Variants in DUSP19 observed in about 807,000 individuals in gnomAD.
The protein encoded by DUSP19 is dual specificity phosphatase 19.
In DUSP19, 14 loss-of-function variants were observed where a neutral mutation model predicts 16.6. The ratio of observed to expected loss-of-function variants is 0.84; its 90% confidence interval spans 0.56 to 1.32. The LOEUF (loss-of-function observed/expected upper bound fraction) is 1.32, where lower values mean the gene tolerates loss of function less well. DUSP19 is among the 40% of genes most tolerant of loss of function. DUSP19 has a pLI of 0.00. For synonymous variants in DUSP19, 81 were observed against 90.5 expected (o/e 0.90, Z 0.59); for missense variants, 258 against 255.9 (o/e 1.01, Z -0.06).
At chr2:183,095,266 T>C (rs961318087) in intron 3 of DUSP19, among the ~76,000 whole-genome samples, 165 bp from the exon 4 acceptor site, 7 of 152,226 alleles carry the variant, frequency 4.6e-5, no homozygotes, top group Non-Finnish European at 8.8e-5. Flanking sequence ...TTTCCATTTG[T>C]TGCTGGTAAT....
At chr2:183,085,399 T>G (rs1008487858) in intron 2 of DUSP19, among the ~76,000 whole-genome samples, 1 of 151,942 alleles carries the variant, frequency 6.6e-6, no homozygotes, top group African/African-American at 2.4e-5. Context: ...AAGAGAATAG[T>G]GTTTTAAGGA....
chr2:183,085,676 T>C (rs904892883), intron 2 of DUSP19, among the ~76,000 whole-genome samples: 1 of 151,142 alleles, frequency 6.6e-6, no homozygotes, highest in Admixed American at 6.6e-5. Flanking sequence ...GAAGAAGGAA[T>C]TGAAGATACA....
intron 3 of DUSP19, among the ~76,000 whole-genome samples, chr2:183,088,248 G>C (rs563243118): frequency 6.6e-6 from 1 of 152,182 alleles, no homozygotes; most frequent in African/African-American, 2.4e-5. Flanking sequence ...TACCATTCTA[G>C]GTTTGTGTGA....
chr2:183,081,615 A>G (rs542436450), intron 1 of DUSP19, among the ~76,000 whole-genome samples: 148 of 152,360 alleles, frequency 9.7e-4, no homozygotes, highest in African/African-American at 3.4e-3. Flanking sequence ...TCTACATTAG[A>G]AAACAGAATT....
intron 2 of DUSP19, 27 bp downstream of exon 2, chr2:183,083,581 C>T: frequency 1.3e-6 from 2 of 1,575,848 alleles, no homozygotes; most frequent in Non-Finnish European, 8.7e-7. Flanking sequence ...AGTCTGGCAC[C>T]ATATACACAG....
chr2:183,089,424 A>G (rs915370970), intron 3 of DUSP19, among the ~76,000 whole-genome samples: 4 of 152,184 alleles, frequency 2.6e-5, no homozygotes, highest in African/African-American at 9.7e-5. Flanking sequence ...CAGTGGGGAT[A>G]TAACCAACCC....
At chr2:183,083,042 C>T (rs1175953496) in intron 1 of DUSP19, among the ~76,000 whole-genome samples, 1 of 152,034 alleles carries the variant, frequency 6.6e-6, no homozygotes, top group Non-Finnish European at 1.5e-5. Context: ...CCTGGGAATA[C>T]AAGCATGCAC....
At chr2:183,080,148 C>T (rs530589195) in intron 1 of DUSP19, among the ~76,000 whole-genome samples, 21 of 152,346 alleles carry the variant, frequency 1.4e-4, no homozygotes, top group Admixed American at 4.6e-4. Context: ...CATTGTTATA[C>T]TAGGCTGCCT....
In DUSP19 at chr2:183,095,774, A is replaced by G; in HGVS notation, c.*116A>G. 8 of 712,550 alleles carry G rather than the reference A, an allele frequency of 1.1e-5. No individual in the cohort carries two copies. The highest frequency in any genetic ancestry group is 1.6e-5 in the Non-Finnish European group (7 of 440,166). The allele number at this position is 712,550 out of a possible 1,614,324, so 44.1% of individuals were successfully genotyped here. A position where few individuals can be genotyped will look rare whatever the true frequency, so the allele number is the denominator to read the frequency against. On this transcript the variant is annotated 3_prime_UTR_variant, in exon 4 of 4. Transcript: ENST00000354221. ...CTCCCTTTTTTCTCTTGCCTTTTTT[A>G]TGCATAAATGGAGGTCAATTTGATT...
Position 183,098,852 on chromosome 2 carries a change from A to T in DUSP19, c.*3194A>T, listed in dbSNP as rs1389070668. ...TAAAATTTGAATAGAACACTCAAGA[A>T]GTATGTAGATTTTTGAAAAACCCAA... On this transcript the variant is annotated 3_prime_UTR_variant, in exon 4 of 4. Coordinates refer to ENST00000354221, the MANE Select transcript of DUSP19 (RefSeq NM_080876.4). 1 of 152,236 alleles carries T rather than the reference A, an allele frequency of 6.6e-6. No individual in the cohort carries two copies. Among genetic ancestry groups the T allele is most frequent in the African/African-American group, 2.4e-5 (1 of 41,464 alleles). The allele number at this position is 152,236 out of a possible 1,614,324, so 9.4% of individuals were successfully genotyped here. A position where few individuals can be genotyped will look rare whatever the true frequency, so the allele number is the denominator to read the frequency against.
At chr2:183,094,871 T>G (rs1176032861) in intron 3 of DUSP19, among the ~76,000 whole-genome samples, 1 of 152,218 alleles carries the variant, frequency 6.6e-6, no homozygotes, top group Admixed American at 6.5e-5. Context: ...AAGTATACTC[T>G]GGAGTATTTC....
At position 183,098,265 on chromosome 2, in the gene DUSP19, A is replaced by T. The variant is rs1699830009; in HGVS notation, c.*2607A>T. The T allele has an allele frequency of 6.6e-6, 1 of 152,170 alleles. No individual in the cohort carries two copies. The highest frequency in any genetic ancestry group is 6.5e-5 in the Admixed American group (1 of 15,268). 9.4% of individuals were successfully genotyped at this position (152,170 alleles called of 1,614,324 possible). On this transcript the variant is annotated 3_prime_UTR_variant, in exon 4 of 4. Transcript: ENST00000354221. Reference sequence around the variant, plus strand: ...CCTATAGTGATCTGGGTAAGATTCAAACATTTATCTTTTGTATCTTCTACA... The same window carrying T: ...CCTATAGTGATCTGGGTAAGATTCATACATTTATCTTTTGTATCTTCTACA...
At chr2:183,080,727 C>G (rs1699582355) in intron 1 of DUSP19, among the ~76,000 whole-genome samples, 1 of 152,170 alleles carries the variant, frequency 6.6e-6, no homozygotes, top group African/African-American at 2.4e-5. Flanking sequence ...GGGTTGGAAA[C>G]CTCCCCAGGA....
Position 183,087,481 on chromosome 2 carries a change from G to GCTAA in DUSP19, c.426+289_426+290insCTAA, listed in dbSNP as rs559005021. 1.2e-4 allele frequency among the ~76,000 whole-genome samples: 19 copies of GCTAA among 152,268 alleles called. No individual in the cohort carries two copies. The South Asian group carries it at 3.9e-3, about 32-fold the overall frequency. On this transcript the variant is annotated intron_variant, in intron 3 of 3. Coordinates refer to ENST00000354221, the MANE Select transcript of DUSP19 (RefSeq NM_080876.4). ...TTTTAATGAATGAGATAGTTATTGT[G>GCTAA]AAACTATGCATTTTTAGCAGTAAAA... is the stretch of plus-strand genomic sequence containing the variant.
rs375950344 is a variant in DUSP19 at position 183,094,385 on chromosome 2, G to T, written c.427-1046G>T. On this transcript the variant is annotated intron_variant, in intron 3 of 3. Coordinates refer to ENST00000354221, the MANE Select transcript of DUSP19 (RefSeq NM_080876.4). ...AGTATATTTTTTCCCTCCTGCTCTC[G>T]TCTTTTTTTGTGTTGTACCAAATAA... Among the ~76,000 whole-genome samples, 75 of 152,228 alleles carry T rather than the reference G, an allele frequency of 4.9e-4. 1 individual carries two copies. In the East Asian group the frequency reaches 6.0e-3, roughly 12 times the overall value.
rs960726633 is a variant in DUSP19, at chr2:183,083,642, A to G, written c.273+88A>G. Reference sequence around the variant, plus strand: ...AAAACTGTATTGGTCCATCTTTGGTATATTATGGAGTTTATTTGGTAACAT... The same window carrying G: ...AAAACTGTATTGGTCCATCTTTGGTGTATTATGGAGTTTATTTGGTAACAT... On this transcript the variant is annotated intron_variant, in intron 2 of 3. Transcript: ENST00000354221. 8.7e-6 allele frequency: 10 copies of G among 1,149,782 alleles called. No individual in the cohort carries two copies. The African/African-American group carries it at 1.1e-4, about 13-fold the overall frequency. 71.2% of individuals were successfully genotyped at this position (1,149,782 alleles called of 1,614,324 possible). A position where few individuals can be genotyped will look rare whatever the true frequency, so the allele number is the denominator to read the frequency against.
At chr2:183,088,761 A>G (rs2105502248) in intron 3 of DUSP19, among the ~76,000 whole-genome samples, 1 of 152,284 alleles carries the variant, frequency 6.6e-6, no homozygotes, top group Non-Finnish European at 1.5e-5. Flanking sequence ...AATATTGGCC[A>G]TTCTGTTTTC....
At chr2:183,085,197 G>C (rs1313824919) in intron 2 of DUSP19, among the ~76,000 whole-genome samples, 1 of 152,178 alleles carries the variant, frequency 6.6e-6, no homozygotes, top group Non-Finnish European at 1.5e-5. Flanking sequence ...CATTAGAATA[G>C]ATGAAGCTGC....
At chr2:183,089,668 G>A (rs1016775430) in intron 3 of DUSP19, among the ~76,000 whole-genome samples, 2 of 152,188 alleles carry the variant, frequency 1.3e-5, no homozygotes, top group Non-Finnish European at 1.5e-5. Flanking sequence ...CATGCTGAGA[G>A]GGTCTGTGAG....
Sources: gnomAD v4.1 joint callset for allele counts (sites outside exome capture counted in the v4.1 genomes callset) on GRCh38, gnomAD v4.1.1 for gene constraint, MANE v1.5 for transcripts, NCBI Gene and HGNC (gene_info 2026-07-23, HGNC 2026-07-21) for gene names.